Variants in CCDC178 observed in about 807,000 individuals in gnomAD.
The protein encoded by CCDC178 is coiled-coil domain containing 178.
In CCDC178, 126 loss-of-function variants were observed where a neutral mutation model predicts 117.4. The ratio of observed to expected loss-of-function variants is 1.07; its 90% CI spans 0.93 to 1.24. The LOEUF (loss-of-function observed/expected upper bound fraction) is 1.24, where lower values mean the gene tolerates loss of function less well. Among genes scored for constraint, CCDC178 ranks in the 50% most tolerant of loss-of-function variants. CCDC178 has a pLI of 0.00. For missense variants in CCDC178, 1,030 were observed against 986.9 expected, an observed-to-expected ratio of 1.04 and a Z score of -0.59; for synonymous variants, 283 against 313.4, an observed-to-expected ratio of 0.90 and a Z score of 1.02.
At chr18:33,369,675 T>G (rs143694133) in intron 6 of CCDC178, among the ~76,000 whole-genome samples, 94 of 152,038 alleles carry the variant, frequency 6.2e-4, no homozygotes, top group African/African-American at 2.2e-3. Flanking sequence ...AACAACTCAT[T>G]AAAAAGGGCA....
chr18:33,084,821 A>AG (rs200579766), intron 21 of CCDC178, among the ~76,000 whole-genome samples: 2 of 151,952 alleles, frequency 1.3e-5, no homozygotes, highest in African/African-American at 4.8e-5. Context: ...AAAAAAAAAA[A>AG]AAAGAAAGAA....
At chr18:33,428,464 G>C (rs895419141) in intron 2 of CCDC178, among the ~76,000 whole-genome samples, 1 of 151,996 alleles carries the variant, frequency 6.6e-6, no homozygotes, top group African/African-American at 2.4e-5. Context: ...TAGCCCAGGA[G>C]TGTGTCACCA....
intron 21 of CCDC178, among the ~76,000 whole-genome samples, chr18:33,064,113 A>G (rs931591590): frequency 1.3e-5 from 2 of 152,252 alleles, no homozygotes; most frequent in African/African-American, 4.8e-5. Flanking sequence ...AGAACACAAT[A>G]TACTAAATAT....
intron 20 of CCDC178, among the ~76,000 whole-genome samples, chr18:33,115,960 T>C (rs1425248017): frequency 6.6e-6 from 1 of 152,104 alleles, no homozygotes; most frequent in Admixed American, 6.6e-5. Flanking sequence ...TGATGTCAAA[T>C]GAAATTTGAC....
Position 32,968,474 on chromosome 18 carries a change from G to A in CCDC178, c.2523+6073C>T, listed in dbSNP as rs571642503. Among the ~76,000 whole-genome samples the A allele has an allele frequency of 5.3e-5, 8 of 152,048 alleles. No individual in the cohort carries two copies. The South Asian group carries it at 1.7e-3, about 32-fold the overall frequency. ...CAATGAACATGGGAATGGGAATGCG[G>A]ATATGTCTTTGACACAGTGGTTTCA... On this transcript the variant is annotated intron_variant, in intron 22 of 22. Transcript: ENST00000383096.
At chr18:33,184,509 A>G (rs2058767230) in intron 20 of CCDC178, among the ~76,000 whole-genome samples, 1 of 152,014 alleles carries the variant, frequency 6.6e-6, no homozygotes, top group Admixed American at 6.6e-5. Context: ...TACATACATT[A>G]CTGCCATCAA....
chr18:33,034,479 T>C (rs2056405199), intron 21 of CCDC178, among the ~76,000 whole-genome samples: 2 of 152,112 alleles, frequency 1.3e-5, no homozygotes, highest in South Asian at 2.1e-4. Flanking sequence ...TGTAAGTTTC[T>C]GGAAAGTGTC....
chr18:32,976,724 AT>A (rs985117364), intron 21 of CCDC178, among the ~76,000 whole-genome samples: 3 of 152,050 alleles, frequency 2.0e-5, no homozygotes, highest in East Asian at 1.9e-4. Context: ...CAGTTTACAG[AT>A]TTTTTTAAAG....
chr18:33,188,307 G>T (rs182807324), intron 20 of CCDC178, among the ~76,000 whole-genome samples: 1 of 152,172 alleles, frequency 6.6e-6, no homozygotes, highest in Non-Finnish European at 1.5e-5. Context: ...GTCCCTCTAA[G>T]ATTTCCATCT....
At chr18:33,327,906 G>A (rs1057067612) in intron 10 of CCDC178, among the ~76,000 whole-genome samples, 2 of 151,844 alleles carry the variant, frequency 1.3e-5, no homozygotes, top group African/African-American at 4.8e-5. Flanking sequence ...AACTATATCC[G>A]TTTGAGATAC....
chr18:33,391,313 GA>G (rs918268721), intron 4 of CCDC178, among the ~76,000 whole-genome samples: 1 of 151,174 alleles, frequency 6.6e-6, no homozygotes, highest in East Asian at 1.9e-4. Context: ...TATTGTATTA[GA>G]AAAAAATCTT....
chr18:33,440,205 G>A (rs1197162128), intron 1 of CCDC178, 124 bp from the exon 2 acceptor site: 10 of 151,466 alleles, frequency 6.6e-5, no homozygotes, highest in Non-Finnish European at 1.5e-4. Flanking sequence ...GGAATAAGAC[G>A]CTAGAGACGC....
chr18:33,001,529 A>G lies in CCDC178; in HGVS notation c.2389-26848T>C, dbSNP rs563078911. ...CTCTGTCTCAAAAAAAGAAAAATAA[A>G]TAAATAAAAAGCAGAAAATTAAAAC... On this transcript the variant is annotated intron_variant, in intron 21 of 22. Coordinates refer to ENST00000383096, the MANE Select transcript of CCDC178 (RefSeq NM_001105528.4). 2.6e-5 allele frequency among the ~76,000 whole-genome samples: 4 copies of G among 152,228 alleles called. No individual in the cohort carries two copies. In the South Asian group the frequency reaches 8.3e-4, roughly 32 times the overall value.
At chr18:33,323,417 A>G in intron 11 of CCDC178, 74 bp downstream of exon 11, 1 of 955,866 alleles carries the variant, frequency 1.0e-6, no homozygotes, top group Non-Finnish European at 1.4e-6. Flanking sequence ...TTTTCTATAT[A>G]GAAATATACA....
intron 6 of CCDC178, among the ~76,000 whole-genome samples, chr18:33,365,717 T>C (rs1237043452): frequency 6.6e-6 from 1 of 152,094 alleles, no homozygotes; most frequent in Non-Finnish European, 1.5e-5. Context: ...TACAGTAGCA[T>C]CCTAATGACT....
chr18:33,307,574 G>A (rs1287154301), intron 11 of CCDC178, among the ~76,000 whole-genome samples: 1 of 152,206 alleles, frequency 6.6e-6, no homozygotes, highest in Non-Finnish European at 1.5e-5. Flanking sequence ...AATGCAAGCT[G>A]GCTGCATACA....
intron 20 of CCDC178, among the ~76,000 whole-genome samples, chr18:33,112,568 A>C (rs2057799475): frequency 6.6e-6 from 1 of 151,926 alleles, no homozygotes; most frequent in Non-Finnish European, 1.5e-5. Context: ...TTTCAAAGAT[A>C]GACTATGTTT....
intron 21 of CCDC178, among the ~76,000 whole-genome samples, chr18:33,003,099 TA>T (rs1387277601): frequency 6.6e-6 from 1 of 152,026 alleles, no homozygotes; most frequent in Non-Finnish European, 1.5e-5. Flanking sequence ...ACCAAACATT[TA>T]AAGAAGAGCT....
At chr18:32,960,192 G>A (rs1298665757) in intron 22 of CCDC178, among the ~76,000 whole-genome samples, 1 of 152,004 alleles carries the variant, frequency 6.6e-6, no homozygotes. Flanking sequence ...TATCTTTAAA[G>A]GGAAGGAAAA....
Sources: allele counts gnomAD v4.1 joint callset (sites outside exome capture counted in the v4.1 genomes callset), GRCh38; gene constraint gnomAD v4.1.1; transcripts MANE v1.5; gene names NCBI Gene and HGNC (gene_info 2026-07-23, HGNC 2026-07-21).